Variants in TSGA10 observed in about 807,000 individuals in gnomAD.
The protein encoded by TSGA10 is testis-specific gene 10 protein.
A neutral mutation model predicts 96.6 loss-of-function variants in TSGA10; 43 were observed. The ratio of observed to expected loss-of-function variants is 0.44; its 90% CI spans 0.35 to 0.57. TSGA10 has a LOEUF of 0.57. Among genes scored for constraint, TSGA10 ranks in the 20% least tolerant of loss-of-function variants. The probability of loss-of-function intolerance (pLI) is 0.01; values close to 1 mark genes in which losing one functional copy is unlikely to be tolerated. For missense variants in TSGA10, 703 were observed against 834.4 expected, an observed-to-expected ratio of 0.84 and a Z score of 1.94; for synonymous variants, 229 against 269.9, an observed-to-expected ratio of 0.85 and a Z score of 1.48.
Position 99,018,280 on chromosome 2 carries a change from C to G in TSGA10, c.1992G>C (p.Met664Ile). The change falls in exon 20 of 21, where the codon ATG becomes ATC. Residue 664 changes from methionine to isoleucine, a missense_variant. Physicochemically the swap from Met to Ile is conservative, Grantham distance 10 (BLOSUM62 1). Around this residue, in one of 3 missense-constraint regions of TSGA10, gnomAD observed 69 missense variants for 81.3 expected, o/e 0.85. Coordinates refer to ENST00000393483, the MANE Select transcript of TSGA10 (RefSeq NM_025244.4). The part of the protein sequence containing the change: ...SSNAYHMSST[M>I]KPNTKCHSPE... ...GTGAATGACATTTTGTATTTGGCTT[C>G]ATTGTAGAACTCATATGATAAGCAT... 1 of 1,614,064 alleles carries G rather than the reference C, an allele frequency of 6.2e-7. No homozygotes were observed. Among genetic ancestry groups the G allele is most frequent in the African/African-American group, 1.3e-5 (1 of 75,022 alleles).
intron 20 of TSGA10, among the ~76,000 whole-genome samples, chr2:98,999,047 C>T (rs2077668005): frequency 6.6e-6 from 1 of 152,014 alleles, no homozygotes; most frequent in African/African-American, 2.4e-5. Flanking sequence ...AGACATGCGC[C>T]ACCACGCCCA....
At chr2:99,059,381 T>G (rs2084390531) in intron 16 of TSGA10, among the ~76,000 whole-genome samples, 1 of 151,834 alleles carries the variant, frequency 6.6e-6, no homozygotes, top group South Asian at 2.1e-4. Context: ...ATGCCTGTAA[T>G]CCCAGCACTT....
chr2:99,134,357 C>T (rs1275854009), intron 1 of TSGA10, among the ~76,000 whole-genome samples: 2 of 151,978 alleles, frequency 1.3e-5, no homozygotes, highest in Non-Finnish European at 2.9e-5. Flanking sequence ...GCCTTTCTTC[C>T]ACTTGATTGA....
chr2:99,025,972 C>G (rs1186024709), intron 17 of TSGA10, among the ~76,000 whole-genome samples: 1 of 152,152 alleles, frequency 6.6e-6, no homozygotes, highest in Non-Finnish European at 1.5e-5. Flanking sequence ...TAAGTTCAAT[C>G]CTTTTAAATC....
chr2:99,131,307 T>C lies in TSGA10; in HGVS notation c.-620-4131A>G, dbSNP rs183882658. ...TGTCCTCTCTTATTTCTTTGAGCAG[T>C]GGTTTGTAGTTCTCCTTGAAGAGGT... On this transcript the variant is annotated intron_variant, in intron 1 of 20. Transcript: ENST00000393483. Among the ~76,000 whole-genome samples the C allele has an allele frequency of 2.2e-3, 341 of 152,308 alleles. 1 individual carries two copies. Among genetic ancestry groups the C allele is most frequent in the African/African-American group, 7.2e-3 (301 of 41,562 alleles).
At chr2:99,101,354 G>C (rs1386319055) in intron 10 of TSGA10, among the ~76,000 whole-genome samples, 1 of 149,684 alleles carries the variant, frequency 6.7e-6, no homozygotes, top group Non-Finnish European at 1.5e-5. Context: ...TTTTTGTAGA[G>C]ACAAGGTCTT....
chr2:99,105,657 T>G lies in TSGA10; in HGVS notation c.251A>C (p.Lys84Thr). 6.3e-7 allele frequency: 1 copy of G among 1,593,544 alleles called. No homozygotes were observed. Among genetic ancestry groups the G allele is most frequent in the Non-Finnish European group, 8.6e-7 (1 of 1,162,990 alleles). The stretch of plus-strand genomic sequence containing the variant: ...TGTTGATTTAGGACTCTTACAGCTT[T>G]TCATCATTTCTCGTCGAAGTCGGGT... Reference protein sequence around the residue: ...EITRLRREMMKSCKSPKSTTA... With the variant: ...EITRLRREMMTSCKSPKSTTA... The change falls in exon 8 of 21, where the codon AAA (lysine) becomes ACA (threonine). Residue 84 changes from lysine to threonine, a missense_variant. Lys to Thr is a moderately conservative substitution (Grantham distance 78). Around this residue, in one of 3 missense-constraint regions of TSGA10, gnomAD observed 585 missense variants for 656.8 expected, o/e 0.89. Transcript: ENST00000393483.
At chr2:99,067,888 C>A (rs1473572938) in intron 15 of TSGA10, among the ~76,000 whole-genome samples, 1 of 151,518 alleles carries the variant, frequency 6.6e-6, no homozygotes, top group East Asian at 1.9e-4. Flanking sequence ...TTATTTATTT[C>A]TGACCTATTC....
Position 99,150,008 on chromosome 2 carries a change from G to T in TSGA10, c.-621+4685C>A, listed in dbSNP as rs781034703. On this transcript the variant is annotated intron_variant, in intron 1 of 20. Coordinates refer to ENST00000393483, the MANE Select transcript of TSGA10 (RefSeq NM_025244.4). Reference sequence around the variant, plus strand: ...GGGTTTCACCATGTTGGCCAGGCTGGTCTCTCAATCCTAACCTTTGGTGAT... The same window carrying T: ...GGGTTTCACCATGTTGGCCAGGCTGTTCTCTCAATCCTAACCTTTGGTGAT... 2.6e-5 allele frequency among the ~76,000 whole-genome samples: 4 copies of T among 151,816 alleles called. No individual in the cohort carries two copies. In the East Asian group the frequency reaches 7.7e-4, roughly 29 times the overall value.
chr2:99,041,824 G>A (rs193088444), intron 16 of TSGA10, among the ~76,000 whole-genome samples: 40 of 152,080 alleles, frequency 2.6e-4, no homozygotes, highest in African/African-American at 9.4e-4. Context: ...AAATAGATGC[G>A]ACTTAATTAA....
At chr2:99,049,307 A>G (rs2083139782) in intron 16 of TSGA10, among the ~76,000 whole-genome samples, 1 of 152,220 alleles carries the variant, frequency 6.6e-6, no homozygotes, top group Non-Finnish European at 1.5e-5. Flanking sequence ...ACTATTCACA[A>G]TAGCAAAGAC....
intron 16 of TSGA10, among the ~76,000 whole-genome samples, chr2:99,058,676 C>T (rs1197313168): frequency 6.6e-6 from 1 of 152,084 alleles, no homozygotes; most frequent in Non-Finnish European, 1.5e-5. Context: ...AATTTGCCTA[C>T]AAATTTGACA....
intron 12 of TSGA10, among the ~76,000 whole-genome samples, chr2:99,074,109 T>G (rs2104535115): frequency 6.9e-6 from 1 of 144,226 alleles, no homozygotes; most frequent in East Asian, 2.1e-4. Context: ...GCCTCCCAGG[T>G]TCAAGCGATT....
At chr2:99,149,098 C>T (rs1169373277) in intron 1 of TSGA10, among the ~76,000 whole-genome samples, 1 of 148,070 alleles carries the variant, frequency 6.8e-6, no homozygotes, top group Non-Finnish European at 1.5e-5. Flanking sequence ...TTTAACCTGC[C>T]GGGTGGAGGT....
chr2:99,141,005 G>A (rs2093520664), intron 1 of TSGA10: 4 of 1,111,244 alleles, frequency 3.6e-6, no homozygotes, highest in Non-Finnish European at 4.6e-6. Flanking sequence ...ACTCCTGCCC[G>A]CTTGCAGCCG....
intron 10 of TSGA10, among the ~76,000 whole-genome samples, chr2:99,103,261 C>T (rs1424115809): frequency 6.6e-6 from 1 of 151,934 alleles, no homozygotes; most frequent in Non-Finnish European, 1.5e-5. Flanking sequence ...CCGCACAGAT[C>T]AACCCGTCAC....
At position 99,121,394 on chromosome 2, in the gene TSGA10, C is replaced by A. The variant is rs1309673364; in HGVS notation, c.-491-2708G>T. ...TTTCATCATGGCCTTAATTTGCATTCCCCTGATGTTTACAGAGGCTGAACA... is the reference window on the plus strand; with the variant it reads ...TTTCATCATGGCCTTAATTTGCATTACCCTGATGTTTACAGAGGCTGAACA... On this transcript the variant is annotated intron_variant, in intron 2 of 20. Transcript: ENST00000393483. Among the ~76,000 whole-genome samples the A allele has an allele frequency of 1.8e-3, 3 of 1,688 alleles. No homozygotes were observed. In the East Asian group the frequency reaches 0.045, roughly 26 times the overall value. The allele number at this position is 1,688 out of a possible 152,430, so 1.1% of individuals were successfully genotyped here. A position where few individuals can be genotyped will look rare whatever the true frequency, so the allele number is the denominator to read the frequency against.
intron 16 of TSGA10, among the ~76,000 whole-genome samples, chr2:99,038,292 G>A (rs1035660920): frequency 2.0e-5 from 3 of 151,976 alleles, no homozygotes; most frequent in Non-Finnish European, 4.4e-5. Context: ...ATGAATAATA[G>A]TACCTCACAT....
Position 99,135,814 on chromosome 2 carries a change from A to C in TSGA10, c.-620-8638T>G, listed in dbSNP as rs536343472. Among the ~76,000 whole-genome samples the C allele has an allele frequency of 3.3e-5, 5 of 152,152 alleles. 1 individual carries two copies. The East Asian group carries it at 9.7e-4, about 29-fold the overall frequency. On this transcript the variant is annotated intron_variant, in intron 1 of 20. Transcript: ENST00000393483. ...ACCTGAGGTCAGGAGTTTGAGACCC[A>C]CCTGGCCAACATGGTGAAAACCCAT...
Sources: allele counts gnomAD v4.1 joint callset (sites outside exome capture counted in the v4.1 genomes callset), GRCh38; gene constraint gnomAD v4.1.1; regional missense constraint gnomAD v4.1.1; transcripts MANE v1.5; gene names NCBI Gene and HGNC (gene_info 2026-07-23, HGNC 2026-07-21).